The following PPFIBP2 variants were observed in gnomAD, a reference collection of about 807,000 sequenced individuals.
PPFIBP2 encodes the protein liprin-beta-2.
A neutral mutation model predicts 118.3 loss-of-function variants in PPFIBP2; 118 were observed. The observed-to-expected ratio is 1.00, with a 90% CI of 0.86 to 1.16. The LOEUF (loss-of-function observed/expected upper bound fraction) is 1.16, where lower values mean the gene tolerates loss of function less well. PPFIBP2 is among the 50% of genes most tolerant of loss of function. The pLI is 0.00. For missense variants in PPFIBP2, 1,195 were observed against 1,073.1 expected (o/e 1.11, Z -1.59); for synonymous variants, 414 against 397.4 (o/e 1.04, Z -0.50).
chr11:7,664,442 T>C, the PPFIBP2 span, among the ~76,000 whole-genome samples: 7 of 152,268 alleles, frequency 4.6e-5, no homozygotes, highest in Non-Finnish European at 7.3e-5. Context: ...ATGGAGGCTC[T>C]CCTGTGGGTT....
downstream of PPFIBP2, chr11:7,656,789 C>T: frequency 7.8e-7 from 1 of 1,289,858 alleles, no homozygotes; most frequent in Non-Finnish European, 1.0e-6. Context: ...ACTCTGATGA[C>T]TGGAGATGAC....
At chr11:7,585,341 T>C (rs562917656) in intron 3 of PPFIBP2, among the ~76,000 whole-genome samples, 22 of 152,206 alleles carry the variant, frequency 1.4e-4, no homozygotes, top group Non-Finnish European at 7.3e-5. Context: ...GCTGTCACAC[T>C]GGGGAGCCGA....
rs1307849460 is a variant in PPFIBP2 at position 7,542,470 on chromosome 11, TAAAAC to T, written c.-36-6968_-36-6964del. Among the ~76,000 whole-genome samples, 9 of 152,362 alleles carry T rather than the reference TAAAAC, an allele frequency of 5.9e-5. No homozygotes were observed. In the South Asian group the frequency reaches 1.9e-3, roughly 32 times the overall value. ...ACTCAAATAATTGTATGTAATTTGT[TAAAAC>T]AGCCACCTCTTCACCTCCCCACCCC... is the stretch of plus-strand genomic sequence containing the variant. On this transcript the variant is annotated intron_variant, in intron 1 of 23. Coordinates refer to ENST00000299492, the MANE Select transcript of PPFIBP2 (RefSeq NM_003621.5).
chr11:7,649,103 C>T, intron 19 of PPFIBP2, 44 bp from the exon 20 acceptor site: 1 of 1,565,106 alleles, frequency 6.4e-7, no homozygotes, highest in South Asian at 1.1e-5. Flanking sequence ...TACATTCTCT[C>T]ATTCTCATGA....
chr11:7,606,037 C>G (rs1401555073), intron 5 of PPFIBP2: 1 of 1,530,812 alleles, frequency 6.5e-7, no homozygotes, highest in Non-Finnish European at 8.7e-7. Flanking sequence ...AGCTGTTGAT[C>G]AAGTCAAAAG....
chr11:7,657,885 G>A (rs1303177796), downstream of PPFIBP2, among the ~76,000 whole-genome samples: 1 of 152,230 alleles, frequency 6.6e-6, no homozygotes, highest in Non-Finnish European at 1.5e-5. Flanking sequence ...CAAACTTGGA[G>A]CACCTGCTCT....
At chr11:7,566,538 A>T (rs72849618) in intron 3 of PPFIBP2, among the ~76,000 whole-genome samples, 29,042 of 151,638 alleles carry the variant, frequency 0.19, 2,836 homozygotes, top group Non-Finnish European at 0.2. Flanking sequence ...TAAAAAAAAA[A>T]TTTTGTGTGT....
chr11:7,621,426 G>A (rs768612910), intron 7 of PPFIBP2, among the ~76,000 whole-genome samples: 13 of 152,146 alleles, frequency 8.5e-5, no homozygotes, highest in Non-Finnish European at 1.6e-4. Flanking sequence ...CAAAAAAATA[G>A]GCATGCTTTA....
At chr11:7,544,571 G>A (rs568082588) in intron 1 of PPFIBP2, among the ~76,000 whole-genome samples, 3 of 151,914 alleles carry the variant, frequency 2.0e-5, no homozygotes, top group Admixed American at 6.6e-5. Flanking sequence ...TCAGGAGATC[G>A]AGACCATCCT....
the PPFIBP2 span, chr11:7,665,892 A>G: frequency 6.5e-7 from 1 of 1,536,124 alleles, no homozygotes; most frequent in Non-Finnish European, 8.7e-7. Context: ...TGTTAGTGGA[A>G]CTGCGCAGAA....
chr11:7,570,594 G>A (rs1262731160), intron 3 of PPFIBP2, among the ~76,000 whole-genome samples: 5 of 152,210 alleles, frequency 3.3e-5, no homozygotes, highest in African/African-American at 1.2e-4. Flanking sequence ...ACCCACAGAA[G>A]GGCTGTATGT....
At chr11:7,602,710 T>C (rs913491425) in intron 5 of PPFIBP2, among the ~76,000 whole-genome samples, 2 of 152,234 alleles carry the variant, frequency 1.3e-5, no homozygotes, top group African/African-American at 2.4e-5. Flanking sequence ...TTGGGAAACC[T>C]TGGACAACAC....
the PPFIBP2 span, among the ~76,000 whole-genome samples, chr11:7,664,249 G>T: frequency 6.6e-6 from 1 of 152,150 alleles, no homozygotes; most frequent in Admixed American, 6.5e-5. Flanking sequence ...ACTTGAATTT[G>T]GAAACATGAA....
At chr11:7,649,018 A>T (rs4237757) in intron 19 of PPFIBP2, 107 bp downstream of exon 19, 1 of 1,342,156 alleles carries the variant, frequency 7.5e-7, no homozygotes, top group South Asian at 1.3e-5. Context: ...CCTTGTAAAA[A>T]GCAGAGGAAT....
chr11:7,608,877 C>T (rs1847729518), intron 5 of PPFIBP2, among the ~76,000 whole-genome samples: 1 of 152,254 alleles, frequency 6.6e-6, no homozygotes, highest in South Asian at 2.1e-4. Context: ...TGGACGCACT[C>T]ATCTGGCTGA....
chr11:7,541,002 C>T (rs941954019), intron 1 of PPFIBP2, among the ~76,000 whole-genome samples: 6 of 152,174 alleles, frequency 3.9e-5, no homozygotes, highest in Non-Finnish European at 7.3e-5. Flanking sequence ...AAGTTAAAGC[C>T]GTGACCAAGT....
chr11:7,665,255 T>A, the PPFIBP2 span: 1 of 842,966 alleles, frequency 1.2e-6, no homozygotes, highest in East Asian at 2.9e-5. Flanking sequence ...AGAACCAGTG[T>A]GTGCGCGAAG....
intron 2 of PPFIBP2, among the ~76,000 whole-genome samples, chr11:7,555,334 C>T (rs1248998247): frequency 6.6e-6 from 1 of 152,216 alleles, no homozygotes; most frequent in Non-Finnish European, 1.5e-5. Flanking sequence ...GCCCTGTCAG[C>T]TGGGGCCTTT....
chr11:7,635,531 A>T, intron 13 of PPFIBP2, 21 bp from the exon 14 acceptor site: 1 of 1,601,264 alleles, frequency 6.2e-7, no homozygotes, highest in Non-Finnish European at 8.6e-7. Context: ...ACATAAACGA[A>T]ATCCTCATGT....
Sources: allele counts gnomAD v4.1 joint callset (sites outside exome capture counted in the v4.1 genomes callset), GRCh38; gene constraint gnomAD v4.1.1; transcripts MANE v1.5; gene names NCBI Gene and HGNC (gene_info 2026-07-23, HGNC 2026-07-21).